Variants in CUEDC1 observed in about 807,000 individuals in gnomAD.
CUEDC1 encodes the protein CUE domain containing 1, also known as CUE domain-containing protein 1.
CUEDC1 carries 30 observed loss-of-function variants against 43.7 expected under a neutral mutation model. That is an observed-to-expected ratio of 0.69 (90% confidence interval 0.51 to 0.93). The LOEUF (loss-of-function observed/expected upper bound fraction) is 0.93, where lower values mean the gene tolerates loss of function less well. Ranked by LOEUF, CUEDC1 falls within the 40% of genes least tolerant of loss-of-function variation. The pLI is 0.00. For missense variants in CUEDC1, 486 were observed against 549.0 expected (o/e 0.89, Z 1.15); for synonymous variants, 223 against 223.6 (o/e 1.00, Z 0.02).
At chr17:57,921,602 G>C (rs549741684) in intron 1 of CUEDC1, among the ~76,000 whole-genome samples, 2 of 152,146 alleles carry the variant, frequency 1.3e-5, no homozygotes, top group East Asian at 1.9e-4. Context: ...CTTCTCTCCC[G>C]GTTTCTCTGC....
At chr17:57,922,428 G>A (rs1178567810) in intron 1 of CUEDC1, 1 of 152,158 alleles carries the variant, frequency 6.6e-6, no homozygotes, top group African/African-American at 2.4e-5. Context: ...AAGTTTCTGT[G>A]CTTTTCTTCA....
At chr17:57,929,799 T>C (rs761489012) in intron 1 of CUEDC1, among the ~76,000 whole-genome samples, 11 of 152,092 alleles carry the variant, frequency 7.2e-5, no homozygotes, top group Admixed American at 2.6e-4. Context: ...AGTCTGTCTC[T>C]CTCTCTCTTT....
intron 1 of CUEDC1, among the ~76,000 whole-genome samples, chr17:57,899,350 G>A (rs993983696): frequency 6.6e-6 from 1 of 152,190 alleles, no homozygotes; most frequent in African/African-American, 2.4e-5. Context: ...GGGGCGCCCA[G>A]AGCCCAGCTG....
intron 1 of CUEDC1, among the ~76,000 whole-genome samples, chr17:57,900,808 A>G (rs1376859309): frequency 6.6e-6 from 1 of 152,230 alleles, no homozygotes; most frequent in East Asian, 1.9e-4. Context: ...TCATCTTTAA[A>G]GCTGTTTGCA....
intron 1 of CUEDC1, among the ~76,000 whole-genome samples, chr17:57,902,751 TGC>T (rs2074486692): frequency 6.6e-6 from 1 of 152,238 alleles, no homozygotes; most frequent in African/African-American, 2.4e-5. Flanking sequence ...CCGAACGCTT[TGC>T]ATTCAGCCAG....
intron 1 of CUEDC1, among the ~76,000 whole-genome samples, chr17:57,914,545 C>A (rs1449817915): frequency 1.3e-5 from 2 of 152,124 alleles, no homozygotes; most frequent in Admixed American, 6.5e-5. Flanking sequence ...CTGTTGCATC[C>A]ATTTGGGAGG....
intron 1 of CUEDC1, among the ~76,000 whole-genome samples, chr17:57,916,177 C>T (rs893085969): frequency 2.0e-5 from 3 of 152,254 alleles, no homozygotes; most frequent in Non-Finnish European, 4.4e-5. Context: ...CCCAGCAACC[C>T]GCCCCAGGTG....
chr17:57,872,234 G>C (rs2074044116), intron 5 of CUEDC1, among the ~76,000 whole-genome samples: 1 of 152,242 alleles, frequency 6.6e-6, no homozygotes, highest in African/African-American at 2.4e-5. Flanking sequence ...CTGCTCTAAA[G>C]TCTTCCACTC....
intron 1 of CUEDC1, among the ~76,000 whole-genome samples, chr17:57,945,078 G>T (rs1164639991): frequency 6.6e-6 from 1 of 152,160 alleles, no homozygotes; most frequent in Non-Finnish European, 1.5e-5. Context: ...TTTGGGAATG[G>T]ATTTGTGTAG....
chr17:57,936,699 C>A (rs1284290050), intron 1 of CUEDC1, among the ~76,000 whole-genome samples: 1 of 152,092 alleles, frequency 6.6e-6, no homozygotes, highest in South Asian at 2.1e-4. Flanking sequence ...AGGCTCAGAT[C>A]CACCTCTGTC....
At chr17:57,894,724 TTC>T (rs2074391385) in intron 1 of CUEDC1, among the ~76,000 whole-genome samples, 1 of 152,200 alleles carries the variant, frequency 6.6e-6, no homozygotes, top group South Asian at 2.1e-4. Context: ...TTTCTAATTT[TTC>T]TCTCTCCTGC....
In CUEDC1 at chr17:57,861,678, A is replaced by T. The variant is rs1161142272; in HGVS notation, c.*1611T>A. On this transcript the variant is annotated 3_prime_UTR_variant, in exon 11 of 11. Transcript: ENST00000577830. Reference sequence around the variant, plus strand: ...AAACCCACACATAGGAGGAAAAAAAATAACAAAGCAACACTCAACAGACAT... The same window carrying T: ...AAACCCACACATAGGAGGAAAAAAATTAACAAAGCAACACTCAACAGACAT... 3 of 152,384 alleles carry T rather than the reference A, an allele frequency of 2.0e-5. No individual in the cohort carries two copies. The highest frequency in any genetic ancestry group is 4.4e-5 in the Non-Finnish European group (3 of 68,142). The allele number at this position is 152,384 out of a possible 1,614,324, so 9.4% of individuals were successfully genotyped here. A position where few individuals can be genotyped will look rare whatever the true frequency, so the allele number is the denominator to read the frequency against.
chr17:57,865,058 AAATGAATGAATG>A (rs140245915), intron 10 of CUEDC1, among the ~76,000 whole-genome samples: 16 of 151,600 alleles, frequency 1.1e-4, no homozygotes, highest in African/African-American at 2.7e-4. Context: ...CTCTGTCTCA[AAATGAATGAATG>A]AATGAATGAA....
At chr17:57,897,378 A>G (rs1205662388) in intron 1 of CUEDC1, among the ~76,000 whole-genome samples, 1 of 152,160 alleles carries the variant, frequency 6.6e-6, no homozygotes, top group Non-Finnish European at 1.5e-5. Flanking sequence ...TCTCTAATTA[A>G]AAGTTTTTCT....
chr17:57,879,365 G>C (rs1293535207), intron 3 of CUEDC1, among the ~76,000 whole-genome samples: 1 of 152,178 alleles, frequency 6.6e-6, no homozygotes, highest in African/African-American at 2.4e-5. Context: ...ACTTAACTCT[G>C]TGTCCCATAT....
intron 1 of CUEDC1, among the ~76,000 whole-genome samples, chr17:57,889,392 G>C (rs962779749): frequency 2.6e-5 from 4 of 152,188 alleles, no homozygotes; most frequent in Non-Finnish European, 5.9e-5. Flanking sequence ...CCTCTGTAAG[G>C]AAATATTGAT....
chr17:57,936,093 G>C (rs574938791), intron 1 of CUEDC1, among the ~76,000 whole-genome samples: 3 of 152,326 alleles, frequency 2.0e-5, no homozygotes, highest in East Asian at 3.9e-4. Context: ...GACCAGGAGT[G>C]GGGCAAAGAG....
At chr17:57,873,501 G>T in intron 4 of CUEDC1, 90 bp downstream of exon 4, 1 of 1,397,072 alleles carries the variant, frequency 7.2e-7, no homozygotes, top group Non-Finnish European at 9.6e-7. Flanking sequence ...TTAAACATCA[G>T]GAAGTAAAAC....
intron 1 of CUEDC1, among the ~76,000 whole-genome samples, chr17:57,932,775 T>C (rs1488836614): frequency 6.6e-6 from 1 of 151,168 alleles, no homozygotes; most frequent in Non-Finnish European, 1.5e-5. Flanking sequence ...GGCAGGAGAA[T>C]TGCTTGAACC....
Sources: allele counts gnomAD v4.1 joint callset (sites outside exome capture counted in the v4.1 genomes callset), GRCh38; gene constraint gnomAD v4.1.1; transcripts MANE v1.5; gene names NCBI Gene and HGNC (gene_info 2026-07-23, HGNC 2026-07-21).